LHFPL3: variants seen among roughly 807,000 people sequenced by gnomAD.
LHFPL3 encodes the protein LHFPL tetraspan subfamily member 3.
LHFPL3 carries 5 observed loss-of-function variants against 19.3 expected under a neutral mutation model. That is an observed-to-expected ratio of 0.26 (90% CI 0.14 to 0.54). The LOEUF (loss-of-function observed/expected upper bound fraction) is 0.54, where lower values mean the gene tolerates loss of function less well. Ranked by LOEUF, LHFPL3 falls within the 20% of genes least tolerant of loss-of-function variation. The pLI is 0.94. For synonymous variants in LHFPL3, 133 were observed against 126.2 expected (o/e 1.05, Z -0.36); for missense variants, 249 against 307.4 (o/e 0.81, Z 1.42).
chr7:104,854,999 C>T (rs796900824), intron 2 of LHFPL3, among the ~76,000 whole-genome samples: 2 of 152,308 alleles, frequency 1.3e-5, no homozygotes, highest in African/African-American at 2.4e-5. Flanking sequence ...TTTAGTCTGG[C>T]GTGGGAAGCT....
chr7:104,782,940 G>A (rs531731225), intron 2 of LHFPL3, among the ~76,000 whole-genome samples: 2 of 152,332 alleles, frequency 1.3e-5, no homozygotes, highest in South Asian at 2.1e-4. Context: ...ACACAAGTGC[G>A]CACGCGCGCA....
chr7:104,440,507 T>G (rs937768270), intron 1 of LHFPL3, among the ~76,000 whole-genome samples: 7 of 152,042 alleles, frequency 4.6e-5, no homozygotes, highest in Non-Finnish European at 8.8e-5. Flanking sequence ...GGCACATGTA[T>G]ACATATGTAA....
At chr7:104,698,133 A>G (rs1241499313) in intron 1 of LHFPL3, among the ~76,000 whole-genome samples, 1 of 152,216 alleles carries the variant, frequency 6.6e-6, no homozygotes, top group Non-Finnish European at 1.5e-5. Flanking sequence ...GCAGCTTCCC[A>G]TGAAAGTTTT....
chr7:104,396,624 A>G, intron 1 of LHFPL3, among the ~76,000 whole-genome samples: 1 of 148,694 alleles, frequency 6.7e-6, no homozygotes, highest in South Asian at 2.1e-4. Flanking sequence ...TTTTGCCATG[A>G]AATATGGTAC....
intron 2 of LHFPL3, among the ~76,000 whole-genome samples, chr7:104,827,554 C>A (rs1361795994): frequency 2.0e-5 from 3 of 151,454 alleles, no homozygotes; most frequent in Non-Finnish European, 4.4e-5. Flanking sequence ...CTTTTTATTT[C>A]TCTTCACTGT....
intron 1 of LHFPL3, among the ~76,000 whole-genome samples, chr7:104,350,737 T>C (rs889512489): frequency 1.3e-5 from 2 of 152,014 alleles, no homozygotes; most frequent in African/African-American, 2.4e-5. Context: ...TGATAGTGAG[T>C]GCTGATGAAA....
intron 1 of LHFPL3, among the ~76,000 whole-genome samples, chr7:104,529,446 G>A (rs1794252731): frequency 6.6e-6 from 1 of 152,128 alleles, no homozygotes; most frequent in African/African-American, 2.4e-5. Context: ...CCCACTGCCT[G>A]TAATGCCATT....
At chr7:104,797,296 C>T (rs1214959501) in intron 2 of LHFPL3, among the ~76,000 whole-genome samples, 2 of 152,166 alleles carry the variant, frequency 1.3e-5, no homozygotes, top group African/African-American at 4.8e-5. Context: ...AGGATTGTAC[C>T]TCCTGGCTCT....
chr7:104,404,221 T>C (rs1791373698), intron 1 of LHFPL3, among the ~76,000 whole-genome samples: 1 of 152,222 alleles, frequency 6.6e-6, no homozygotes, highest in Admixed American at 6.5e-5. Context: ...TAAAGTTATT[T>C]TAATGAGACC....
At chr7:104,348,389 A>C (rs1446823308) in intron 1 of LHFPL3, among the ~76,000 whole-genome samples, 1 of 152,266 alleles carries the variant, frequency 6.6e-6, no homozygotes, top group Non-Finnish European at 1.5e-5. Context: ...GTCTCAAAAA[A>C]AGAACACAGA....
intron 1 of LHFPL3, among the ~76,000 whole-genome samples, chr7:104,683,712 AT>A (rs1358705408): frequency 6.6e-6 from 1 of 152,190 alleles, no homozygotes; most frequent in Non-Finnish European, 1.5e-5. Flanking sequence ...GCATTCTTTC[AT>A]TTTTAGTGAA....
chr7:104,898,881 C>T (rs1480021993), intron 2 of LHFPL3, among the ~76,000 whole-genome samples: 19 of 152,088 alleles, frequency 1.2e-4, no homozygotes, highest in Admixed American at 1.2e-3. Flanking sequence ...CTTCGGGAGG[C>T]TGAGGCAGGC....
Position 104,906,581 on chromosome 7 carries a change from T to C in LHFPL3, c.*366T>C, listed in dbSNP as rs1270114186. 4.8e-6 allele frequency: 1 copy of C among 210,104 alleles called. No homozygotes were observed. The highest frequency in any genetic ancestry group is 2.3e-5 in the African/African-American group (1 of 43,910). 13.0% of individuals were successfully genotyped at this position (210,104 alleles called of 1,614,324 possible). A position where few individuals can be genotyped will look rare whatever the true frequency, so the allele number is the denominator to read the frequency against. On this transcript the variant is annotated 3_prime_UTR_variant, in exon 3 of 3. Transcript: ENST00000424859. ...TACTGAGGTTTGTAAACTGTCCTTT[T>C]TAAATCAAACTGAAAACAAAAAGCT...
intron 1 of LHFPL3, among the ~76,000 whole-genome samples, chr7:104,396,830 C>T (rs566719172): frequency 1.3e-5 from 2 of 151,580 alleles, no homozygotes; most frequent in Non-Finnish European, 2.9e-5. Flanking sequence ...ATTCACTGGG[C>T]GTGATGGCCT....
In LHFPL3 at chr7:104,906,360, C is replaced by G; in HGVS notation, c.*145C>G. On this transcript the variant is annotated 3_prime_UTR_variant, in exon 3 of 3. Coordinates refer to ENST00000424859, the MANE Select transcript of LHFPL3 (RefSeq NM_199000.3). Reference sequence around the variant, plus strand: ...TGAATATGAACAAGAATGGAACATTCACTTGTCAACGCACTTTCTAAATCT... The same window carrying G: ...TGAATATGAACAAGAATGGAACATTGACTTGTCAACGCACTTTCTAAATCT... 1 of 927,544 alleles carries G rather than the reference C, an allele frequency of 1.1e-6. No individual in the cohort carries two copies. The highest frequency in any genetic ancestry group is 1.6e-6 in the Non-Finnish European group (1 of 617,424). The allele number at this position is 927,544 out of a possible 1,614,324, so 57.5% of individuals were successfully genotyped here. A position where few individuals can be genotyped will look rare whatever the true frequency, so the allele number is the denominator to read the frequency against.
chr7:104,363,615 G>A (rs60623501), intron 1 of LHFPL3, among the ~76,000 whole-genome samples: 46,301 of 152,098 alleles, frequency 0.3, 7,590 homozygotes, highest in Admixed American at 0.43. Flanking sequence ...TCCACTCTCA[G>A]TGTTGTGCAA....
intron 1 of LHFPL3, among the ~76,000 whole-genome samples, chr7:104,596,248 G>A (rs1316438771): frequency 1.3e-5 from 2 of 152,158 alleles, no homozygotes; most frequent in Non-Finnish European, 2.9e-5. Context: ...CCTTCTCATG[G>A]CTCATAAAGG....
chr7:104,864,925 G>A (rs563187829), intron 2 of LHFPL3, among the ~76,000 whole-genome samples: 14 of 152,278 alleles, frequency 9.2e-5, no homozygotes, highest in African/African-American at 2.4e-4. Context: ...ACCAATATCC[G>A]CTGTTCTGCA....
At chr7:104,649,551 A>C (rs527309450) in intron 1 of LHFPL3, among the ~76,000 whole-genome samples, 1 of 152,216 alleles carries the variant, frequency 6.6e-6, no homozygotes, top group Non-Finnish European at 1.5e-5. Context: ...TAACTGGGAC[A>C]AAGGAGGGGA....
Sources: gnomAD v4.1 joint callset for allele counts (sites outside exome capture counted in the v4.1 genomes callset) on GRCh38, gnomAD v4.1.1 for gene constraint, MANE v1.5 for transcripts, NCBI Gene and HGNC (gene_info 2026-07-23, HGNC 2026-07-21) for gene names.